Variants in ITPK1 observed in about 807,000 individuals in gnomAD.
The protein encoded by ITPK1 is inositol 1,3,4-trisphosphate 5/6-kinase.
A neutral mutation model predicts 45.3 loss-of-function variants in ITPK1; 21 were observed. The ratio of observed to expected loss-of-function variants is 0.46; its 90% CI spans 0.33 to 0.67. The LOEUF (loss-of-function observed/expected upper bound fraction) is 0.67, where lower values mean the gene tolerates loss of function less well. Ranked by LOEUF, ITPK1 falls within the 30% of genes least tolerant of loss-of-function variation. ITPK1 has a pLI of 0.02. For missense variants in ITPK1, 474 were observed against 573.5 expected, an observed-to-expected ratio of 0.83 and a Z score of 1.77; for synonymous variants, 258 against 253.6, an observed-to-expected ratio of 1.02 and a Z score of -0.16.
chr14:93,023,263 A>G (rs989081614), intron 3 of ITPK1, among the ~76,000 whole-genome samples: 1 of 152,244 alleles, frequency 6.6e-6, no homozygotes, highest in Non-Finnish European at 1.5e-5. Flanking sequence ...CGTTCTGGCC[A>G]ATGAGCTGTG....
intron 4 of ITPK1, among the ~76,000 whole-genome samples, chr14:93,015,082 G>A (rs1211166316): frequency 6.6e-6 from 1 of 152,230 alleles, no homozygotes; most frequent in Admixed American, 6.5e-5. Flanking sequence ...GCTCAGGGGA[G>A]AGGAAAGTCG....
chr14:93,089,420 C>G (rs943744631), intron 2 of ITPK1, among the ~76,000 whole-genome samples: 2 of 152,152 alleles, frequency 1.3e-5, no homozygotes, highest in African/African-American at 2.4e-5. Context: ...GATTTCAGCT[C>G]AACCATAGGA....
chr14:93,004,526 G>A (rs1034984564), intron 4 of ITPK1, among the ~76,000 whole-genome samples: 2 of 152,154 alleles, frequency 1.3e-5, no homozygotes, highest in African/African-American at 4.8e-5. Flanking sequence ...TGAGAAGCAC[G>A]TGTATGTGGG....
intron 3 of ITPK1, among the ~76,000 whole-genome samples, chr14:93,047,769 G>A (rs143677413): frequency 1.6e-3 from 238 of 152,318 alleles, no homozygotes; most frequent in African/African-American, 5.6e-3. Context: ...AATATGATAT[G>A]TATGTGACCC....
intron 3 of ITPK1, among the ~76,000 whole-genome samples, chr14:93,055,720 T>C (rs539110030): frequency 6.6e-6 from 1 of 152,268 alleles, no homozygotes; most frequent in African/African-American, 2.4e-5. Flanking sequence ...CCTTATCCGG[T>C]CCTAGCCCCA....
At chr14:93,029,474 G>A (rs1222559179) in intron 3 of ITPK1, among the ~76,000 whole-genome samples, 7 of 152,048 alleles carry the variant, frequency 4.6e-5, no homozygotes, top group African/African-American at 1.2e-4. Context: ...AAATAAAGCC[G>A]TCTCTGGGCA....
chr14:93,107,845 G>A (rs528448848), intron 2 of ITPK1, among the ~76,000 whole-genome samples: 1 of 152,336 alleles, frequency 6.6e-6, no homozygotes, highest in East Asian at 1.9e-4. Flanking sequence ...GGGAGATGCA[G>A]GCCACAAGGG....
rs116502453 is a variant in ITPK1, at chr14:93,100,825, G to C, written c.95+14244C>G. On this transcript the variant is annotated intron_variant, in intron 2 of 10. Transcript: ENST00000267615. ...CATCACATCTGTTGGTTAATTGAGA[G>C]TGAGAGGACTGGAGCACACAGCAAT... Among the ~76,000 whole-genome samples the C allele has an allele frequency of 4.0e-3, 605 of 152,294 alleles. 2 individuals carry two copies. Among genetic ancestry groups the C allele is most frequent in the African/African-American group, 0.013 (541 of 41,554 alleles).
intron 4 of ITPK1, among the ~76,000 whole-genome samples, chr14:93,006,151 G>A (rs1887603730): frequency 6.6e-6 from 1 of 152,174 alleles, no homozygotes; most frequent in South Asian, 2.1e-4. Context: ...GAGCAGTGGT[G>A]CGCAGGGCAA....
intron 2 of ITPK1, among the ~76,000 whole-genome samples, chr14:93,114,793 G>A (rs1892872760): frequency 6.6e-6 from 1 of 152,114 alleles, no homozygotes; most frequent in African/African-American, 2.4e-5. Context: ...AACTCCCACC[G>A]CGCCCTGGGC....
chr14:92,955,406 G>A (rs1884649793), intron 8 of ITPK1, among the ~76,000 whole-genome samples: 1 of 152,206 alleles, frequency 6.6e-6, no homozygotes, highest in Non-Finnish European at 1.5e-5. Flanking sequence ...GCATAAAGCT[G>A]GGAGCCTGCG....
In ITPK1 at chr14:93,016,915, G is replaced by C. The variant is rs1005811789; in HGVS notation, c.121-114C>G. The C allele has an allele frequency of 1.4e-6, 2 of 1,385,642 alleles. No homozygotes were observed. The highest frequency in any genetic ancestry group is 2.6e-5 in the South Asian group (2 of 75,668). 85.8% of individuals were successfully genotyped at this position (1,385,642 alleles called of 1,614,324 possible). On this transcript the variant is annotated intron_variant, in intron 3 of 10. Coordinates refer to ENST00000267615, the MANE Select transcript of ITPK1 (RefSeq NM_014216.6). This position sits in a 1 kb window ranked among gnomAD's most constrained non-coding sequence, Gnocchi z 5.0. ...CAGAGGACCCTCGAGCCTCCCTGTA[G>C]CACTCTGGAGATGGGGCAGGAGGAG...
chr14:93,066,326 G>C (rs1046235072), intron 3 of ITPK1: 2 of 442,226 alleles, frequency 4.5e-6, no homozygotes, highest in Admixed American at 4.8e-5. Flanking sequence ...GTGTATGTGT[G>C]TGTGTGTGTG....
intron 2 of ITPK1, among the ~76,000 whole-genome samples, chr14:93,099,721 C>CA (rs1252142207): frequency 7.9e-5 from 12 of 152,172 alleles, no homozygotes; most frequent in African/African-American, 2.4e-4. Flanking sequence ...AGGCCCCGAG[C>CA]AGCCTCCCTT....
chr14:93,028,041 C>T (rs1204387659), intron 3 of ITPK1, among the ~76,000 whole-genome samples: 2 of 152,236 alleles, frequency 1.3e-5, no homozygotes, highest in East Asian at 3.9e-4. Context: ...CTGCTGGCTC[C>T]CGCCAGAAAC....
intron 3 of ITPK1, among the ~76,000 whole-genome samples, chr14:93,053,655 C>T (rs186108176): frequency 2.4e-3 from 364 of 152,286 alleles, no homozygotes; most frequent in Non-Finnish European, 4.4e-3. Flanking sequence ...GATCCTGATG[C>T]ACCCAGGGAG....
At chr14:92,959,622 C>T (rs1314847847) in intron 7 of ITPK1, among the ~76,000 whole-genome samples, 1 of 152,084 alleles carries the variant, frequency 6.6e-6, no homozygotes, top group African/African-American at 2.4e-5. Flanking sequence ...GAGGCTGGGC[C>T]CCCACCCTGC....
chr14:93,038,250 G>C (rs1427928349), intron 3 of ITPK1, among the ~76,000 whole-genome samples: 1 of 152,094 alleles, frequency 6.6e-6, no homozygotes, highest in Non-Finnish European at 1.5e-5. Context: ...AGCCAGGCTG[G>C]TCTCAAACTC....
At chr14:93,043,455 C>T (rs1358228455) in intron 3 of ITPK1, among the ~76,000 whole-genome samples, 1 of 152,162 alleles carries the variant, frequency 6.6e-6, no homozygotes, top group African/African-American at 2.4e-5. Context: ...CTCAACCCAT[C>T]AGGCACTCTT....
Sources: allele counts gnomAD v4.1 joint callset (sites outside exome capture counted in the v4.1 genomes callset), GRCh38; gene constraint gnomAD v4.1.1; non-coding constraint Gnocchi (gnomAD v3.1); transcripts MANE v1.5; gene names NCBI Gene and HGNC (gene_info 2026-07-23, HGNC 2026-07-21).